TMEM232: variants seen among roughly 807,000 people sequenced by gnomAD.
TMEM232 encodes the protein transmembrane protein 232.
A neutral mutation model predicts 78.8 loss-of-function variants in TMEM232; 80 were observed. The observed-to-expected ratio is 1.01, with a 90% CI of 0.85 to 1.22. TMEM232 has a LOEUF of 1.22. Ranked by LOEUF, TMEM232 falls within the 50% of genes most tolerant of loss-of-function variation. The probability of loss-of-function intolerance (pLI) is 0.00; values close to 1 mark genes in which losing one functional copy is unlikely to be tolerated. For missense variants in TMEM232, 881 were observed against 742.2 expected, an observed-to-expected ratio of 1.19 and a Z score of -2.17; for synonymous variants, 297 against 254.3, an observed-to-expected ratio of 1.17 and a Z score of -1.60.
At chr5:110,606,049 T>A in intron 9 of TMEM232, 115 bp downstream of exon 9, 1 of 919,564 alleles carries the variant, frequency 1.1e-6, no homozygotes. Context: ...ATTAAATTTA[T>A]TATTATAAAG....
intron 11 of TMEM232, among the ~76,000 whole-genome samples, chr5:110,538,763 C>A (rs1349944800): frequency 1.3e-5 from 2 of 151,882 alleles, no homozygotes; most frequent in Non-Finnish European, 2.9e-5. Flanking sequence ...ATTGTAATTA[C>A]TACTGAGGAG....
chr5:110,647,902 C>A (rs1307519515), intron 2 of TMEM232, among the ~76,000 whole-genome samples: 1 of 151,922 alleles, frequency 6.6e-6, no homozygotes, highest in Non-Finnish European at 1.5e-5. Context: ...TGGTTACCAC[C>A]TCTGCTTATA....
At chr5:110,552,313 A>G (rs966419810) in intron 11 of TMEM232, among the ~76,000 whole-genome samples, 1 of 152,090 alleles carries the variant, frequency 6.6e-6, no homozygotes, top group South Asian at 2.1e-4. Flanking sequence ...AATGATAAAA[A>G]TATTTGATTA....
intron 12 of TMEM232, among the ~76,000 whole-genome samples, chr5:110,478,637 CTA>C (rs1763520193): frequency 6.6e-6 from 1 of 151,750 alleles, no homozygotes; most frequent in African/African-American, 2.4e-5. Flanking sequence ...GAATAAGAAA[CTA>C]TGAAAATTCA....
At chr5:110,660,780 T>C (rs976257487) in intron 2 of TMEM232, among the ~76,000 whole-genome samples, 1 of 152,168 alleles carries the variant, frequency 6.6e-6, no homozygotes, top group Admixed American at 6.5e-5. Context: ...AATGATCAAA[T>C]CAGGGTAATT....
intron 1 of TMEM232, among the ~76,000 whole-genome samples, chr5:110,677,000 A>T (rs1339209563): frequency 1.3e-5 from 2 of 152,082 alleles, no homozygotes; most frequent in Non-Finnish European, 2.9e-5. Flanking sequence ...AACTCAGGTG[A>T]TCTGCCTGCC....
intron 1 of TMEM232, among the ~76,000 whole-genome samples, chr5:110,708,842 A>C (rs1425423590): frequency 6.6e-6 from 1 of 152,160 alleles, no homozygotes; most frequent in Non-Finnish European, 1.5e-5. Flanking sequence ...AGAAGACCGC[A>C]AAACAAATAA....
chr5:110,674,798 A>C (rs138611750), intron 1 of TMEM232, among the ~76,000 whole-genome samples: 1 of 152,314 alleles, frequency 6.6e-6, no homozygotes, highest in East Asian at 1.9e-4. Context: ...GACAATATGG[A>C]GACAAACTTA....
chr5:110,618,439 T>G lies in TMEM232; in HGVS notation c.892A>C (p.Lys298Gln). 1 of 1,550,484 alleles carries G rather than the reference T, an allele frequency of 6.4e-7. No homozygotes were observed. The change falls in exon 8 of 14, where the codon AAG becomes CAG. Residue 298 changes from lysine (K) to glutamine (Q), a missense_variant. Transcript: ENST00000455884. ...HLVFHKTQLQ[K>Q]KCWLDSVLAL... is the part of the protein sequence containing the mutation. ...TAGGATCACTCTTACCAGCATTTCT[T>G]TTGAAGCTGTGTCTTATGGAAGACG...
intron 11 of TMEM232, among the ~76,000 whole-genome samples, chr5:110,551,084 C>T (rs967801921): frequency 1.1e-4 from 17 of 152,052 alleles, no homozygotes; most frequent in African/African-American, 2.9e-4. Context: ...AAAACATTTA[C>T]TATTTTGCCT....
At chr5:110,461,716 C>T (rs959476373) in intron 12 of TMEM232, among the ~76,000 whole-genome samples, 3 of 152,194 alleles carry the variant, frequency 2.0e-5, no homozygotes, top group African/African-American at 7.2e-5. Flanking sequence ...ATGAATGTAA[C>T]TAGAAGCCAA....
chr5:110,619,201 T>C (rs1396741286), intron 7 of TMEM232, among the ~76,000 whole-genome samples: 3 of 152,176 alleles, frequency 2.0e-5, no homozygotes, highest in African/African-American at 4.8e-5. Flanking sequence ...CATCCTGTGA[T>C]AGGTACTCAA....
intron 1 of TMEM232, among the ~76,000 whole-genome samples, chr5:110,709,320 C>T (rs116385693): frequency 3.9e-5 from 6 of 152,068 alleles, no homozygotes; most frequent in African/African-American, 1.4e-4. Flanking sequence ...GCATTAGACA[C>T]ATCTTCCAAA....
chr5:110,681,227 G>A (rs1368680889), intron 1 of TMEM232, among the ~76,000 whole-genome samples: 1 of 152,114 alleles, frequency 6.6e-6, no homozygotes, highest in Non-Finnish European at 1.5e-5. Context: ...TAGAAATTTG[G>A]CCGAGGGGTG....
intron 12 of TMEM232, among the ~76,000 whole-genome samples, chr5:110,434,452 G>A (rs1360650617): frequency 6.6e-6 from 1 of 151,586 alleles, no homozygotes; most frequent in Non-Finnish European, 1.5e-5. Flanking sequence ...TTAAAACGTT[G>A]AATAAGTAAT....
intron 12 of TMEM232, among the ~76,000 whole-genome samples, chr5:110,427,208 C>G (rs1255085770): frequency 6.6e-6 from 1 of 151,932 alleles, no homozygotes; most frequent in Non-Finnish European, 1.5e-5. Context: ...TCTGGTTTTA[C>G]TACTTAGTGT....
intron 11 of TMEM232, among the ~76,000 whole-genome samples, chr5:110,536,610 G>C (rs1036433941): frequency 6.6e-6 from 1 of 152,182 alleles, no homozygotes; most frequent in Non-Finnish European, 1.5e-5. Context: ...CATTTCAGGT[G>C]ACTTGAGCCT....
chr5:110,602,750 C>T (rs1781092018), intron 10 of TMEM232, among the ~76,000 whole-genome samples: 1 of 152,146 alleles, frequency 6.6e-6, no homozygotes, highest in Non-Finnish European at 1.5e-5. Context: ...CCTCAAGGAT[C>T]TAGAACCAGA....
intron 12 of TMEM232, among the ~76,000 whole-genome samples, chr5:110,526,794 A>G (rs557437770): frequency 3.5e-4 from 53 of 151,966 alleles, no homozygotes; most frequent in Non-Finnish European, 6.5e-4. Flanking sequence ...GAAATCTAAA[A>G]CAACCCAAAG....
Sources: gnomAD v4.1 joint callset for allele counts (sites outside exome capture counted in the v4.1 genomes callset) on GRCh38, gnomAD v4.1.1 for gene constraint, MANE v1.5 for transcripts, NCBI Gene and HGNC (gene_info 2026-07-23, HGNC 2026-07-21) for gene names.